The following RIOX2 variants were observed in gnomAD, a reference collection of about 807,000 sequenced individuals.
The protein encoded by RIOX2 is 60S ribosomal protein L27a histidine hydroxylase.
RIOX2 carries 43 observed loss-of-function variants against 51.2 expected under a neutral mutation model. That is an observed-to-expected ratio of 0.84 (90% CI 0.66 to 1.08). RIOX2 has a LOEUF of 1.08. Among genes scored for constraint, RIOX2 ranks in the 50% least tolerant of loss-of-function variants. RIOX2 has a pLI of 0.00. For missense variants in RIOX2, 566 were observed against 561.7 expected (o/e 1.01, Z -0.08); for synonymous variants, 226 against 218.5 (o/e 1.03, Z -0.30).
At chr3:97,955,222 C>A (rs1260594131) in intron 4 of RIOX2, among the ~76,000 whole-genome samples, 2 of 152,118 alleles carry the variant, frequency 1.3e-5, no homozygotes, top group African/African-American at 4.8e-5. Flanking sequence ...ACTATACAAT[C>A]CCTATTTCAA....
In RIOX2 at chr3:97,943,408, T is replaced by C. The variant is rs1273001015; in HGVS notation, c.*1776A>G. 1.4e-5 allele frequency: 10 copies of C among 730,500 alleles called. No individual in the cohort carries two copies. Among genetic ancestry groups the C allele is most frequent in the Admixed American group, 2.4e-5 (1 of 40,902 alleles). The allele number at this position is 730,500 out of a possible 1,614,324, so 45.3% of individuals were successfully genotyped here. A position where few individuals can be genotyped will look rare whatever the true frequency, so the allele number is the denominator to read the frequency against. ...GGACGTGGAAAGGAAGCTACTGTCC[T>C]CACACTCCTGGATCACTGAGCAGAA... On this transcript the variant is annotated 3_prime_UTR_variant, in exon 10 of 10. Coordinates refer to ENST00000394198, the MANE Select transcript of RIOX2 (RefSeq NM_153182.4).
chr3:97,961,789 G>A, intron 2 of RIOX2, 81 bp from the exon 3 acceptor site: 1 of 1,437,318 alleles, frequency 7.0e-7, no homozygotes, highest in Non-Finnish European at 9.2e-7. Flanking sequence ...GCATGTTCTT[G>A]TTCACTTAGG....
intron 4 of RIOX2, among the ~76,000 whole-genome samples, chr3:97,958,770 C>CT (rs1382181034): frequency 6.6e-6 from 1 of 152,162 alleles, no homozygotes; most frequent in Non-Finnish European, 1.5e-5. Context: ...ACTGAATTCT[C>CT]TTTCTTCCTG....
Position 97,945,132 on chromosome 3 carries a change from T to A in RIOX2, c.*52A>T. On this transcript the variant is annotated 3_prime_UTR_variant, in exon 10 of 10. Coordinates refer to ENST00000394198, the MANE Select transcript of RIOX2 (RefSeq NM_153182.4). ...CCTCTCCTCGGCTCAGGTCTTTGCT[T>A]TTCTTTTAATATATGCATATAAAAT... The A allele has an allele frequency of 6.6e-7, 1 of 1,508,916 alleles. No homozygotes were observed. The highest frequency in any genetic ancestry group is 8.9e-7 in the Non-Finnish European group (1 of 1,123,058). 93.5% of individuals were successfully genotyped at this position (1,508,916 alleles called of 1,614,324 possible).
chr3:97,961,678 C>T lies in RIOX2; in HGVS notation c.463G>A (p.Glu155Lys). ...CCAACCAAGGAGCCAAAGTAACATT[C>T]CAGCTTCTCCTGGATCCTCCAAAGC... ...DELWRIQEKL[E>K]CYFGSLVGSN... Residue 155 changes from glutamate (E) to lysine (K), a missense_variant, in exon 3 of 10, where the codon GAA becomes AAA. Glu to Lys is a moderately conservative substitution (Grantham distance 56). Transcript: ENST00000394198. 6.2e-7 allele frequency: 1 copy of T among 1,611,998 alleles called. No individual in the cohort carries two copies. The highest frequency in any genetic ancestry group is 8.5e-7 in the Non-Finnish European group (1 of 1,179,366).
At chr3:97,956,746 C>T (rs374223728) in intron 4 of RIOX2, among the ~76,000 whole-genome samples, 220 of 152,278 alleles carry the variant, frequency 1.4e-3, no homozygotes, top group African/African-American at 5.1e-3. Context: ...CCACCTGCCT[C>T]GGCCTCCCAA....
At position 97,942,914 on chromosome 3, in the gene RIOX2, A is replaced by G; in HGVS notation, c.*2270T>C. On this transcript the variant is annotated 3_prime_UTR_variant, in exon 10 of 10. Coordinates refer to ENST00000394198, the MANE Select transcript of RIOX2 (RefSeq NM_153182.4). ...TAGTCACAGTTTTGTTGGTGTAGAA[A>G]CAAAAACACAGTACCTGACATTCAG... The G allele has an allele frequency of 3.5e-6, 1 of 285,706 alleles. No individual in the cohort carries two copies. The highest frequency in any genetic ancestry group is 6.4e-6 in the Non-Finnish European group (1 of 156,938). 17.7% of individuals were successfully genotyped at this position (285,706 alleles called of 1,614,324 possible).
chr3:97,948,315 G>A (rs1159247804), intron 7 of RIOX2, among the ~76,000 whole-genome samples: 1 of 152,094 alleles, frequency 6.6e-6, no homozygotes, highest in Non-Finnish European at 1.5e-5. Flanking sequence ...ATAATTAAGA[G>A]TTTTATTAAA....
intron 3 of RIOX2, among the ~76,000 whole-genome samples, chr3:97,959,698 C>T (rs1380390684): frequency 6.6e-6 from 1 of 151,948 alleles, no homozygotes; most frequent in South Asian, 2.1e-4. Context: ...AGGAGATTTG[C>T]AACAATTTGA....
At chr3:97,954,172 C>T (rs1705369100) in intron 5 of RIOX2, 3 of 508,426 alleles carry the variant, frequency 5.9e-6, no homozygotes, top group East Asian at 6.4e-5. Context: ...CAATGCCCCA[C>T]ATCCTACAGA....
intron 1 of RIOX2, 96 bp from the exon 2 acceptor site, chr3:97,967,728 A>T: frequency 1.2e-6 from 1 of 866,966 alleles, no homozygotes; most frequent in Non-Finnish European, 1.7e-6. Context: ...TGACCATTAC[A>T]CCTTCGTGAG....
intron 8 of RIOX2, among the ~76,000 whole-genome samples, chr3:97,946,301 A>T (rs1227120306): frequency 1.3e-5 from 2 of 151,972 alleles, no homozygotes; most frequent in African/African-American, 4.8e-5. Flanking sequence ...TAAACTGACA[A>T]TTTATAATCA....
chr3:97,965,562 G>A (rs902494920), intron 2 of RIOX2, among the ~76,000 whole-genome samples: 1 of 151,484 alleles, frequency 6.6e-6, no homozygotes, highest in Non-Finnish European at 1.5e-5. Flanking sequence ...GCTGAATTTG[G>A]GCTGAGAAAG....
rs565804004 is a variant in RIOX2 at position 97,961,571 on chromosome 3, A to G, written c.552+18T>C. On this transcript the variant is annotated intron_variant, in intron 3 of 9. Coordinates refer to ENST00000394198, the MANE Select transcript of RIOX2 (RefSeq NM_153182.4). ...AACTCATTCTTCCCAACATGGGGCA[A>G]TTTTCTCCATCTCTTACCTCGACAT... 1.6e-5 allele frequency: 26 copies of G among 1,584,698 alleles called. No homozygotes were observed. In the East Asian group the frequency reaches 4.5e-4, roughly 27 times the overall value.
intron 4 of RIOX2, among the ~76,000 whole-genome samples, chr3:97,958,107 T>C (rs1705521518): frequency 6.6e-6 from 1 of 152,130 alleles, no homozygotes; most frequent in Non-Finnish European, 1.5e-5. Flanking sequence ...TAGGCACCCA[T>C]CCTAAACAGC....
At chr3:97,951,054 T>G in intron 5 of RIOX2, 166 bp from the exon 6 acceptor site, 1 of 578,044 alleles carries the variant, frequency 1.7e-6, no homozygotes, top group East Asian at 2.9e-5. Flanking sequence ...CATGGAAATC[T>G]AAGACCTTCA....
Position 97,967,444 on chromosome 3 carries a change from C to T in RIOX2, c.150G>A (p.Lys50=). 6.2e-7 allele frequency: 1 copy of T among 1,614,162 alleles called. No homozygotes were observed. The highest frequency in any genetic ancestry group is 8.5e-7 in the Non-Finnish European group (1 of 1,180,032). Residue 50 remains lysine (K), a synonymous_variant, in exon 2 of 10, where the codon AAG becomes AAA. Transcript: ENST00000394198. ...AGAATTCCTTGAAAAAAGTCTCTGTCTTGATGGGCGAGATTAAACTTTCAA... is the reference window on the plus strand; with the variant it reads ...AGAATTCCTTGAAAAAAGTCTCTGTTTTGATGGGCGAGATTAAACTTTCAA... ...SLFESLISPI[K]TETFFKEFWE...
At chr3:97,949,792 T>C (rs1705171187) in intron 7 of RIOX2, 52 bp downstream of exon 7, 1 of 1,552,938 alleles carries the variant, frequency 6.4e-7, no homozygotes, top group Non-Finnish European at 8.8e-7. Flanking sequence ...AGAAAAACCG[T>C]AAACATCCTG....
chr3:97,952,081 A>G lies in RIOX2; in HGVS notation c.786-1193T>C, dbSNP rs878932671. ...TTGGTAAAACAACCAAATCAACAAC[A>G]TACAGCAGACCCCCAAACACTCCAA... is the stretch of plus-strand genomic sequence containing the variant. On this transcript the variant is annotated intron_variant, in intron 5 of 9. Transcript: ENST00000394198. 3.3e-5 allele frequency: 30 copies of G among 912,406 alleles called. No individual in the cohort carries two copies. The South Asian group carries it at 4.1e-4, about 12-fold the overall frequency. 56.5% of individuals were successfully genotyped at this position (912,406 alleles called of 1,614,324 possible).
Sources: allele counts gnomAD v4.1 joint callset (sites outside exome capture counted in the v4.1 genomes callset), GRCh38; gene constraint gnomAD v4.1.1; transcripts MANE v1.5; gene names NCBI Gene and HGNC (gene_info 2026-07-23, HGNC 2026-07-21).